The following SLC5A3 variants were observed in gnomAD, a reference collection of about 807,000 sequenced individuals.
SLC5A3 encodes the protein solute carrier family 5 member 3.
A neutral mutation model predicts 43.2 loss-of-function variants in SLC5A3; 10 were observed. The ratio of observed to expected loss-of-function variants is 0.23; its 90% CI spans 0.14 to 0.39. The LOEUF (loss-of-function observed/expected upper bound fraction) is 0.39, where lower values mean the gene tolerates loss of function less well. SLC5A3 is among the 10% of genes least tolerant of loss of function. SLC5A3 has a pLI of 1.00. For missense variants in SLC5A3, 608 were observed against 893.4 expected, an observed-to-expected ratio of 0.68 and a Z score of 4.07; for synonymous variants, 349 against 322.0, an observed-to-expected ratio of 1.08 and a Z score of -0.90.
chr21:34,082,795 C>G (rs552771741), intron 1 of SLC5A3, among the ~76,000 whole-genome samples: 1 of 152,258 alleles, frequency 6.6e-6, no homozygotes, highest in South Asian at 2.1e-4. Flanking sequence ...AAAACGAACT[C>G]AGATCCCAGG....
intron 1 of SLC5A3, among the ~76,000 whole-genome samples, chr21:34,094,397 G>C (rs1482724518): frequency 6.6e-6 from 1 of 152,106 alleles, no homozygotes; most frequent in Admixed American, 6.6e-5. Context: ...CCACCTGCCT[G>C]TTCCATCCAG....
At chr21:34,086,721 CAT>C (rs1321075816) in intron 1 of SLC5A3, among the ~76,000 whole-genome samples, 1 of 152,136 alleles carries the variant, frequency 6.6e-6, no homozygotes, top group Admixed American at 6.5e-5. Context: ...TGAGCTCAAA[CAT>C]GTAGTGTAAA....
intron 1 of SLC5A3, among the ~76,000 whole-genome samples, chr21:34,086,687 C>G (rs1483115791): frequency 6.6e-6 from 1 of 152,146 alleles, no homozygotes; most frequent in Non-Finnish European, 1.5e-5. Context: ...ATGTCTGCCT[C>G]TTGGGGTTTT....
chr21:34,102,974 G>C lies in SLC5A3; in HGVS notation c.*5619G>C. ...TGTTTCCTAGTGCTGCTGGATAAAA[G>C]AGTGTTTACTTTTTATTGCTCTTAG... On this transcript the variant is annotated 3_prime_UTR_variant, in exon 2 of 2. Coordinates refer to ENST00000381151, the MANE Select transcript of SLC5A3 (RefSeq NM_006933.7). 21 of 998,908 alleles carry C rather than the reference G, an allele frequency of 2.1e-5. No homozygotes were observed. Among genetic ancestry groups the C allele is most frequent in the Non-Finnish European group, 2.5e-5 (21 of 828,896 alleles). 61.9% of individuals were successfully genotyped at this position (998,908 alleles called of 1,614,324 possible). A position where few individuals can be genotyped will look rare whatever the true frequency, so the allele number is the denominator to read the frequency against.
At chr21:34,086,028 A>G (rs1320834825) in intron 1 of SLC5A3, among the ~76,000 whole-genome samples, 1 of 152,210 alleles carries the variant, frequency 6.6e-6, no homozygotes, top group African/African-American at 2.4e-5. Flanking sequence ...TTGACTCTGA[A>G]TCTAAACAAG....
In SLC5A3 at chr21:34,095,838, A is replaced by G; in HGVS notation, c.640A>G (p.Lys214Glu). 6.2e-7 allele frequency: 1 copy of G among 1,614,056 alleles called. No homozygotes were observed. Among genetic ancestry groups the G allele is most frequent in the Non-Finnish European group, 8.5e-7 (1 of 1,179,984 alleles). Residue 214 changes from lysine to glutamate, a missense_variant, in exon 2 of 2, where the codon AAG (lysine) becomes GAG (glutamate). Physicochemically the swap from Lys to Glu is moderately conservative, Grantham distance 56. This residue lies in a region of SLC5A3 where 398 missense variants were observed against 668.6 expected (regional missense o/e 0.60). Transcript: ENST00000381151. Reference protein sequence around the residue: ...IMEIGGFEEVKRRYMLASPDV... With the variant: ...IMEIGGFEEVERRYMLASPDV... ...GGAGATTGGCGGGTTTGAGGAAGTT[A>G]AGAGAAGGTACATGTTGGCCTCACC...
chr21:34,090,250 C>T (rs970644329), intron 1 of SLC5A3, among the ~76,000 whole-genome samples: 2 of 152,194 alleles, frequency 1.3e-5, no homozygotes, highest in African/African-American at 4.8e-5. Flanking sequence ...CTACAGTATC[C>T]TTGCTCCACA....
rs551657749 is a variant in SLC5A3 at position 34,099,207 on chromosome 21, T to A, written c.*1852T>A. 3.1e-3 allele frequency: 3,053 copies of A among 1,000,044 alleles called. 8 individuals carry two copies. Among genetic ancestry groups the A allele is most frequent in the Non-Finnish European group, 3.5e-3 (2,926 of 829,966 alleles). 61.9% of individuals were successfully genotyped at this position (1,000,044 alleles called of 1,614,324 possible). ...GCCTTGTAGAATTTTTTTCTCAATT[T>A]TATTCTTGAGGTTTATAATTTGGGG... On this transcript the variant is annotated 3_prime_UTR_variant, in exon 2 of 2. Coordinates refer to ENST00000381151, the MANE Select transcript of SLC5A3 (RefSeq NM_006933.7).
At chr21:34,092,384 T>G (rs1255882505) in intron 1 of SLC5A3, among the ~76,000 whole-genome samples, 5 of 138,028 alleles carry the variant, frequency 3.6e-5, no homozygotes, top group Admixed American at 7.3e-5. Context: ...ACCCACAGAG[T>G]GGTATGGTAT....
At position 34,095,146 on chromosome 21, in the gene SLC5A3, TAA is replaced by T; in HGVS notation, c.-49_-48del. 6.6e-7 allele frequency: 1 copy of T among 1,521,054 alleles called. No homozygotes were observed. The highest frequency in any genetic ancestry group is 8.8e-7 in the Non-Finnish European group (1 of 1,140,994). The allele number at this position is 1,521,054 out of a possible 1,614,324, so 94.2% of individuals were successfully genotyped here. On this transcript the variant is annotated 5_prime_UTR_variant, in exon 2 of 2. Coordinates refer to ENST00000381151, the MANE Select transcript of SLC5A3 (RefSeq NM_006933.7). ...CTTGGCTGGGGTTACTAAAAATAAA[TAA>T]AAAGTTGGACACTTCTGTCATTGGA... is the stretch of plus-strand genomic sequence containing the variant.
chr21:34,085,273 A>G (rs989366690), intron 1 of SLC5A3, among the ~76,000 whole-genome samples: 1 of 152,100 alleles, frequency 6.6e-6, no homozygotes, highest in African/African-American at 2.4e-5. Context: ...TTGCGTTTTC[A>G]TGATTAGAGT....
Position 34,105,725 on chromosome 21 carries a change from T to C in SLC5A3, c.*8370T>C. 1 of 998,368 alleles carries C rather than the reference T, an allele frequency of 1.0e-6. No individual in the cohort carries two copies. Among genetic ancestry groups the C allele is most frequent in the Non-Finnish European group, 1.2e-6 (1 of 828,264 alleles). The allele number at this position is 998,368 out of a possible 1,614,324, so 61.8% of individuals were successfully genotyped here. ...TTGAATTGTAAATGGATTTCCAGTT[T>C]ACCTTCTGTTGTCTACAGCTTTTTT... On this transcript the variant is annotated 3_prime_UTR_variant, in exon 2 of 2. Coordinates refer to ENST00000381151, the MANE Select transcript of SLC5A3 (RefSeq NM_006933.7).
intron 1 of SLC5A3, among the ~76,000 whole-genome samples, chr21:34,074,036 C>A (rs2148649320): frequency 6.8e-6 from 1 of 146,070 alleles, no homozygotes; most frequent in East Asian, 2.0e-4. Flanking sequence ...ACCGAGCGGG[C>A]CCCGACCCCG....
chr21:34,092,319 T>G (rs1481088073), intron 1 of SLC5A3, among the ~76,000 whole-genome samples: 5 of 151,978 alleles, frequency 3.3e-5, no homozygotes, highest in Admixed American at 6.6e-5. Context: ...TTCCAGTCTT[T>G]ACCAGGTGCT....
chr21:34,100,272 G>GA lies in SLC5A3; in HGVS notation c.*2919dup. 2 of 1,000,116 alleles carry GA rather than the reference G, an allele frequency of 2.0e-6. No individual in the cohort carries two copies. The highest frequency in any genetic ancestry group is 2.4e-6 in the Non-Finnish European group (2 of 829,872). The allele number at this position is 1,000,116 out of a possible 1,614,324, so 62.0% of individuals were successfully genotyped here. A position where few individuals can be genotyped will look rare whatever the true frequency, so the allele number is the denominator to read the frequency against. On this transcript the variant is annotated 3_prime_UTR_variant, in exon 2 of 2. Coordinates refer to ENST00000381151, the MANE Select transcript of SLC5A3 (RefSeq NM_006933.7). ...CAATTTTCATCTCAAGATCTGATGA[G>GA]AAGGGCATATTACATTGGTATGCAG...
At position 34,088,040 on chromosome 21, in the gene SLC5A3, A is replaced by T. The variant is rs1026159597; in HGVS notation, c.-336-6823A>T. Among the ~76,000 whole-genome samples, 3 of 152,220 alleles carry T rather than the reference A, an allele frequency of 2.0e-5. No homozygotes were observed. In the South Asian group the frequency reaches 6.2e-4, roughly 32 times the overall value. On this transcript the variant is annotated intron_variant, in intron 1 of 1. Coordinates refer to ENST00000381151, the MANE Select transcript of SLC5A3 (RefSeq NM_006933.7). ...CACATTTTTTGGGCAAGAGCAAATTATTCATACCCCGGAACAACAGGCAAC... is the reference window on the plus strand; with the variant it reads ...CACATTTTTTGGGCAAGAGCAAATTTTTCATACCCCGGAACAACAGGCAAC...
At chr21:34,076,399 A>C (rs1487333022) in intron 1 of SLC5A3, among the ~76,000 whole-genome samples, 1 of 152,204 alleles carries the variant, frequency 6.6e-6, no homozygotes, top group African/African-American at 2.4e-5. Context: ...AGTTGCGGGA[A>C]TGCCCATTGA....
chr21:34,081,515 A>G (rs1165564434), intron 1 of SLC5A3, among the ~76,000 whole-genome samples: 1 of 152,186 alleles, frequency 6.6e-6, no homozygotes, highest in Non-Finnish European at 1.5e-5. Flanking sequence ...TCTGAAATGA[A>G]GATACTGGAT....
Position 34,106,249 on chromosome 21 carries a change from A to G in SLC5A3, c.*8894A>G, listed in dbSNP as rs936164595. The G allele has an allele frequency of 4.6e-5, 39 of 854,534 alleles. No homozygotes were observed. The highest frequency in any genetic ancestry group is 5.6e-5 in the Non-Finnish European group (39 of 697,342). 52.9% of individuals were successfully genotyped at this position (854,534 alleles called of 1,614,324 possible). Reference sequence around the variant, plus strand: ...CAATTCTGTACCAACTTTGAATAAAATGAAAAATTTATATTTCTGTGACTA... The same window carrying G: ...CAATTCTGTACCAACTTTGAATAAAGTGAAAAATTTATATTTCTGTGACTA... On this transcript the variant is annotated 3_prime_UTR_variant, in exon 2 of 2. Coordinates refer to ENST00000381151, the MANE Select transcript of SLC5A3 (RefSeq NM_006933.7).
Sources: gnomAD v4.1 joint callset for allele counts (sites outside exome capture counted in the v4.1 genomes callset) on GRCh38, gnomAD v4.1.1 for gene constraint, gnomAD v4.1.1 regional missense constraint, MANE v1.5 for transcripts, NCBI Gene and HGNC (gene_info 2026-07-23, HGNC 2026-07-21) for gene names.